Variants in MDFIC observed in about 807,000 individuals in gnomAD.
MDFIC encodes the protein myoD family inhibitor domain-containing protein.
In MDFIC, 17 loss-of-function variants were observed where a neutral mutation model predicts 23.2. The observed-to-expected ratio is 0.73, with a 90% CI of 0.50 to 1.10. The LOEUF (loss-of-function observed/expected upper bound fraction) is 1.10. Ranked by LOEUF, MDFIC falls within the 50% of genes least tolerant of loss-of-function variation. MDFIC has a pLI of 0.00. For synonymous variants in MDFIC, 120 were observed against 115.2 expected (o/e 1.04, Z -0.27); for missense variants, 356 against 316.6 (o/e 1.12, Z -0.95).
At chr7:114,965,229 T>C (rs778012596) in intron 3 of MDFIC, among the ~76,000 whole-genome samples, 24 of 152,094 alleles carry the variant, frequency 1.6e-4, no homozygotes, top group Non-Finnish European at 3.2e-4. Context: ...CAGGAGAAAT[T>C]CAGTGTAGCT....
chr7:115,013,449 T>G (rs117482658), intron 4 of MDFIC, among the ~76,000 whole-genome samples: 2 of 152,220 alleles, frequency 1.3e-5, no homozygotes, highest in Non-Finnish European at 2.9e-5. Flanking sequence ...AATCAATAAC[T>G]ACTCTTAGGC....
chr7:114,945,988 A>G (rs1792636130), intron 3 of MDFIC, among the ~76,000 whole-genome samples: 1 of 152,194 alleles, frequency 6.6e-6, no homozygotes. Flanking sequence ...TATATGGTAT[A>G]ATTGAAGCTA....
chr7:114,929,086 T>TCTATCTATCTATCTATCTAA (rs1236487809), intron 2 of MDFIC, among the ~76,000 whole-genome samples: 1 of 147,938 alleles, frequency 6.8e-6, no homozygotes, highest in African/African-American at 2.5e-5. Flanking sequence ...TAAATATAGA[T>TCTATCTATCTATCTATCTAA]CTATCTATCT....
At chr7:114,941,540 A>C (rs1405254457) in intron 2 of MDFIC, among the ~76,000 whole-genome samples, 1 of 152,100 alleles carries the variant, frequency 6.6e-6, no homozygotes, top group Admixed American at 6.5e-5. Flanking sequence ...CATTTTCTTC[A>C]GTGCTTTTCT....
At chr7:114,942,696 A>C (rs1434480746) in intron 3 of MDFIC, among the ~76,000 whole-genome samples, 2 of 152,182 alleles carry the variant, frequency 1.3e-5, no homozygotes, top group Non-Finnish European at 2.9e-5. Context: ...AACAACTCTA[A>C]GTATATGTGG....
At chr7:114,953,769 A>G (rs1015903250) in intron 3 of MDFIC, among the ~76,000 whole-genome samples, 4 of 152,238 alleles carry the variant, frequency 2.6e-5, no homozygotes, top group Non-Finnish European at 5.9e-5. Flanking sequence ...GTATTTGCAT[A>G]TAACCTATGC....
At chr7:114,986,900 T>C (rs765506326) in intron 4 of MDFIC, among the ~76,000 whole-genome samples, 3 of 152,232 alleles carry the variant, frequency 2.0e-5, no homozygotes, top group Non-Finnish European at 2.9e-5. Flanking sequence ...CATCTTTTAA[T>C]GTTTAGCCTA....
chr7:114,985,690 A>G (rs1793499350), intron 4 of MDFIC, among the ~76,000 whole-genome samples: 1 of 151,446 alleles, frequency 6.6e-6, no homozygotes, highest in Admixed American at 6.6e-5. Context: ...CTCTATGTAA[A>G]TTCATGAATT....
intron 3 of MDFIC, among the ~76,000 whole-genome samples, chr7:114,975,333 C>T (rs886211519): frequency 1.3e-5 from 2 of 152,034 alleles, no homozygotes; most frequent in Admixed American, 6.6e-5. Flanking sequence ...CCCTTTATAA[C>T]GCAGGCAGAA....
At chr7:115,011,754 C>G (rs2116136410) in intron 4 of MDFIC, among the ~76,000 whole-genome samples, 1 of 152,206 alleles carries the variant, frequency 6.6e-6, no homozygotes, top group East Asian at 1.9e-4. Context: ...TGAATATATC[C>G]TATGGGAGGC....
At chr7:114,951,345 GA>G (rs77532545) in intron 3 of MDFIC, among the ~76,000 whole-genome samples, 16,090 of 148,480 alleles carry the variant, frequency 0.11, 1,334 homozygotes, top group East Asian at 0.37. Flanking sequence ...GAAATGAATG[GA>G]AAAAAAAAAT....
intron 3 of MDFIC, among the ~76,000 whole-genome samples, chr7:114,946,592 T>A (rs1016165889): frequency 6.6e-6 from 1 of 152,242 alleles, no homozygotes; most frequent in African/African-American, 2.4e-5. Context: ...AGAATTCCCA[T>A]GATCTGAAGC....
intron 4 of MDFIC, among the ~76,000 whole-genome samples, chr7:115,011,316 T>A (rs1791677373): frequency 6.6e-6 from 1 of 152,196 alleles, no homozygotes; most frequent in African/African-American, 2.4e-5. Flanking sequence ...TATAAAGACC[T>A]TACAAGAGAG....
chr7:114,943,170 G>C (rs1291497003), intron 3 of MDFIC, among the ~76,000 whole-genome samples: 1 of 152,180 alleles, frequency 6.6e-6, no homozygotes, highest in African/African-American at 2.4e-5. Context: ...CAGTTTTTCA[G>C]AGTGGATGGA....
rs1234345758 is a variant in MDFIC, at chr7:115,018,485, C to T, written c.*2550C>T. 1.3e-5 allele frequency: 2 copies of T among 152,258 alleles called. No homozygotes were observed. The highest frequency in any genetic ancestry group is 4.8e-5 in the African/African-American group (2 of 41,402). The allele number at this position is 152,258 out of a possible 1,614,324, so 9.4% of individuals were successfully genotyped here. A position where few individuals can be genotyped will look rare whatever the true frequency, so the allele number is the denominator to read the frequency against. On this transcript the variant is annotated 3_prime_UTR_variant, in exon 5 of 5. Coordinates refer to ENST00000393486, the MANE Select transcript of MDFIC (RefSeq NM_001166345.3). ...TTCATAGTACTTTTCCTCTTGTCTA[C>T]TCCAGACAGTTATTCCATAAAGCAT... is the stretch of plus-strand genomic sequence containing the variant.
At chr7:114,968,289 A>T (rs1160074947) in intron 3 of MDFIC, among the ~76,000 whole-genome samples, 2 of 152,222 alleles carry the variant, frequency 1.3e-5, no homozygotes. Flanking sequence ...AAAAATTAAA[A>T]CATGGGCAAG....
At chr7:114,967,830 C>CTTTTT (rs56343596) in intron 3 of MDFIC, among the ~76,000 whole-genome samples, 6 of 118,802 alleles carry the variant, frequency 5.1e-5, no homozygotes, top group East Asian at 2.3e-4. Context: ...TCTTTCTTTT[C>CTTTTT]TTTTTTTTTT....
At chr7:114,947,380 C>T (rs562757906) in intron 3 of MDFIC, among the ~76,000 whole-genome samples, 42 of 152,236 alleles carry the variant, frequency 2.8e-4, no homozygotes, top group African/African-American at 9.9e-4. Context: ...AGTACACATG[C>T]TTTGATTATT....
chr7:114,991,147 G>C (rs1008788926), intron 4 of MDFIC, among the ~76,000 whole-genome samples: 8 of 152,168 alleles, frequency 5.3e-5, no homozygotes, highest in South Asian at 2.1e-4. Flanking sequence ...TAAATGTCTT[G>C]TTTTGAGAAG....
Sources: allele counts gnomAD v4.1 joint callset (sites outside exome capture counted in the v4.1 genomes callset), GRCh38; gene constraint gnomAD v4.1.1; transcripts MANE v1.5; gene names NCBI Gene and HGNC (gene_info 2026-07-23, HGNC 2026-07-21).